RAF1: variants seen among roughly 807,000 people sequenced by gnomAD.
RAF1 encodes Raf-1 proto-oncogene, serine/threonine kinase, also known as RAF proto-oncogene serine/threonine-protein kinase.
RAF1 carries 27 observed loss-of-function variants against 81.1 expected under a neutral mutation model. That is an observed-to-expected ratio of 0.33 (90% CI 0.25 to 0.46). The LOEUF is 0.46. Among genes scored for constraint, RAF1 ranks in the 20% least tolerant of loss-of-function variants. The pLI is 1.00. For missense variants in RAF1, 598 were observed against 826.0 expected (o/e 0.72, Z 3.38); for synonymous variants, 298 against 294.0 (o/e 1.01, Z -0.14).
In RAF1 at chr3:12,598,725, CAAAAAAAAAAA is replaced by C. The variant is rs59472802; in HGVS notation, c.1168+955_1168+965del. Reference sequence around the variant, plus strand: ...TGGGCAACAGAGCAAGAATCTATCTCAAAAAAAAAAAAAAAAAAAAAAAAAAAACCACCAAG... The same window carrying C: ...TGGGCAACAGAGCAAGAATCTATCTCAAAAAAAAAAAAAAAAACCACCAAG... On this transcript the variant is annotated intron_variant, in intron 11 of 17. Coordinates refer to ENST00000442415, the MANE Select transcript of RAF1 (RefSeq NM_001354689.3). Among the ~76,000 whole-genome samples the C allele has an allele frequency of 2.1e-3, 133 of 61,994 alleles. 1 individual carries two copies. Among genetic ancestry groups the C allele is most frequent in the Non-Finnish European group, 3.4e-3 (109 of 32,146 alleles). 40.7% of individuals were successfully genotyped at this position (61,994 alleles called of 152,430 possible).
At chr3:12,649,298 T>C (rs1284415798) in intron 1 of RAF1, among the ~76,000 whole-genome samples, 1 of 152,140 alleles carries the variant, frequency 6.6e-6, no homozygotes, top group African/African-American at 2.4e-5. Context: ...AAGAAAGACA[T>C]GTTTAAAATT....
intron 3 of RAF1, 27 bp from the exon 4 acceptor site, chr3:12,609,362 A>C: frequency 2.7e-6 from 4 of 1,473,842 alleles, no homozygotes; most frequent in Non-Finnish European, 3.8e-6. Context: ...AAAAACATGA[A>C]ATGTTTAAAC....
chr3:12,628,178 T>C (rs1454191302), intron 1 of RAF1, among the ~76,000 whole-genome samples: 1 of 152,248 alleles, frequency 6.6e-6, no homozygotes, highest in East Asian at 1.9e-4. Flanking sequence ...GCTTACAGCC[T>C]GGCCAGGTGC....
intron 1 of RAF1, among the ~76,000 whole-genome samples, chr3:12,632,751 A>G (rs1231842513): frequency 2.0e-5 from 3 of 152,208 alleles, no homozygotes; most frequent in African/African-American, 7.2e-5. Flanking sequence ...TGTAGTTTAT[A>G]AGCATGATTG....
chr3:12,585,276 A>G (rs1406405687), intron 15 of RAF1, 23 bp from the exon 15 acceptor site: 1 of 1,613,728 alleles, frequency 6.2e-7, no homozygotes, highest in African/African-American at 1.3e-5. Context: ...CCATATGACA[A>G]AAGTGCATTT....
At chr3:12,598,097 C>T (rs11711270) in intron 11 of RAF1, among the ~76,000 whole-genome samples, 36,932 of 148,322 alleles carry the variant, frequency 0.25, 5,061 homozygotes, top group African/African-American at 0.36. Flanking sequence ...GAGCTCACTA[C>T]AACATTCGCC....
rs2125453788 is a variant in RAF1, at chr3:12,618,715, G to A, written c.7C>T (p.His3Tyr). 6.2e-7 allele frequency: 1 copy of A among 1,614,102 alleles called. No homozygotes were observed. The highest frequency in any genetic ancestry group is 8.5e-7 in the Non-Finnish European group (1 of 1,180,014). ...ATCGTCTTCCAAGCTCCCTGTATGT[G>A]CTCCATTGATGCAGCTTAAACAATT... Residue 3 changes from histidine (H) to tyrosine (Y), a missense_variant, in exon 2 of 18, where the codon CAC (histidine) becomes TAC (tyrosine). Physicochemically the swap from His to Tyr is moderately conservative, Grantham distance 83 (BLOSUM62 2). Around this residue, in one of 5 missense-constraint regions of RAF1, gnomAD observed 83 missense variants for 72.3 expected, o/e 1.15. Coordinates refer to ENST00000442415, the MANE Select transcript of RAF1 (RefSeq NM_001354689.3).
intron 1 of RAF1, among the ~76,000 whole-genome samples, chr3:12,645,549 T>C (rs1221427214): frequency 6.6e-6 from 1 of 152,200 alleles, no homozygotes; most frequent in Non-Finnish European, 1.5e-5. Context: ...TACTATTACC[T>C]TTAAAATTTT....
intron 1 of RAF1, among the ~76,000 whole-genome samples, chr3:12,660,907 G>A (rs908777836): frequency 6.6e-6 from 1 of 152,154 alleles, no homozygotes; most frequent in Admixed American, 6.6e-5. Flanking sequence ...CCAGGAGGCA[G>A]AGGTCGCAGT....
Position 12,591,790 on chromosome 3 carries a change from C to A in RAF1, c.1171G>T (p.Asp391Tyr), listed in dbSNP as rs1368876774. Residue 391 changes from aspartate to tyrosine, a missense_variant and splice_region_variant, in exon 12 of 18, where the codon GAT becomes TAT. Transcript: ENST00000442415. The stretch of plus-strand genomic sequence containing the variant: ...ACCTTTAGGATCTTTACTGCAACAT[C>A]TCCTGCAAAATTAGTTGGCAGTCAG... 6.2e-7 allele frequency: 1 copy of A among 1,613,502 alleles called. No homozygotes were observed. The highest frequency in any genetic ancestry group is 8.5e-7 in the Non-Finnish European group (1 of 1,179,342).
At chr3:12,592,239 G>T (rs2058538979) in intron 11 of RAF1, among the ~76,000 whole-genome samples, 1 of 152,306 alleles carries the variant, frequency 6.6e-6, no homozygotes, top group East Asian at 1.9e-4. Context: ...GCATACATAT[G>T]AATGGCCTGG....
chr3:12,616,005 T>C (rs1164114653), intron 2 of RAF1, among the ~76,000 whole-genome samples: 1 of 151,996 alleles, frequency 6.6e-6, no homozygotes, highest in East Asian at 1.9e-4. Flanking sequence ...TGAGCCGAGA[T>C]TGGGCCACTG....
chr3:12,606,226 C>G lies in RAF1; in HGVS notation c.655G>C (p.Glu219Gln), dbSNP rs2059024431. 1 of 1,613,968 alleles carries G rather than the reference C, an allele frequency of 6.2e-7. No individual in the cohort carries two copies. Among genetic ancestry groups the G allele is most frequent in the Non-Finnish European group, 8.5e-7 (1 of 1,179,842 alleles). Residue 219 changes from glutamate (E) to glutamine (Q), a missense_variant, in exon 6 of 18, where the codon GAG becomes CAG. By Grantham distance (29) the Glu-to-Gln change is conservative (BLOSUM62 2). This residue lies in a region of RAF1 where 194 missense variants were observed against 202.7 expected (regional missense o/e 0.96). Coordinates refer to ENST00000442415, the MANE Select transcript of RAF1 (RefSeq NM_001354689.3). ...CTAACAGGCATCCTGGAAACAGACTCTCGCATACGACGCATAGTCAAAGAA... is the reference window on the plus strand; with the variant it reads ...CTAACAGGCATCCTGGAAACAGACTGTCGCATACGACGCATAGTCAAAGAA...
intron 1 of RAF1, among the ~76,000 whole-genome samples, chr3:12,643,867 A>T (rs1000832538): frequency 1.3e-5 from 2 of 152,204 alleles, no homozygotes; most frequent in African/African-American, 2.4e-5. Context: ...CATAATCCAG[A>T]AGAATATAGG....
chr3:12,615,817 C>T (rs1324695318), intron 2 of RAF1, among the ~76,000 whole-genome samples: 2 of 152,076 alleles, frequency 1.3e-5, no homozygotes, highest in East Asian at 1.9e-4. Flanking sequence ...TTTGGGAAGA[C>T]GAGGCAGGCG....
chr3:12,650,677 G>T (rs1464297258), intron 1 of RAF1, among the ~76,000 whole-genome samples: 1 of 152,190 alleles, frequency 6.6e-6, no homozygotes, highest in Admixed American at 6.6e-5. Context: ...AGTTCAGGGA[G>T]ACATGGTCCT....
At chr3:12,638,112 G>A (rs1374546411) in intron 1 of RAF1, among the ~76,000 whole-genome samples, 2 of 152,036 alleles carry the variant, frequency 1.3e-5, no homozygotes, top group African/African-American at 2.4e-5. Flanking sequence ...TTAGGTATTT[G>A]CCTACTCAAT....
At chr3:12,635,657 A>G (rs1405412590) in intron 1 of RAF1, among the ~76,000 whole-genome samples, 34 of 131,896 alleles carry the variant, frequency 2.6e-4, no homozygotes, top group African/African-American at 7.6e-4. Context: ...AAAAAAAAAA[A>G]AAAGAGAGAG....
intron 1 of RAF1, among the ~76,000 whole-genome samples, chr3:12,663,380 CGTCGTCTCTAAAAGGGT>C (rs2060944432): frequency 1.3e-5 from 2 of 152,212 alleles, no homozygotes; most frequent in Admixed American, 6.5e-5. Context: ...CGATTCCTCA[CGTCGTCTCTAAAAGGGT>C]GTCACTTGAC....
Sources: allele counts gnomAD v4.1 joint callset (sites outside exome capture counted in the v4.1 genomes callset), GRCh38; gene constraint gnomAD v4.1.1; regional missense constraint gnomAD v4.1.1; transcripts MANE v1.5; gene names NCBI Gene and HGNC (gene_info 2026-07-23, HGNC 2026-07-21).